KCNMB2: variants seen among roughly 807,000 people sequenced by gnomAD.
The protein encoded by KCNMB2 is calcium-activated potassium channel subunit beta-2.
A neutral mutation model predicts 24.5 loss-of-function variants in KCNMB2; 9 were observed. The ratio of observed to expected loss-of-function variants is 0.37; its 90% CI spans 0.22 to 0.64. The LOEUF is 0.64. Among genes scored for constraint, KCNMB2 ranks in the 30% least tolerant of loss-of-function variants. KCNMB2 has a pLI of 0.63. For synonymous variants in KCNMB2, 109 were observed against 104.4 expected (o/e 1.04, Z -0.27); for missense variants, 226 against 284.3 (o/e 0.79, Z 1.47).
chr3:178,793,827 G>A (rs1000467173), intron 1 of KCNMB2, among the ~76,000 whole-genome samples: 1 of 152,074 alleles, frequency 6.6e-6, no homozygotes, highest in African/African-American at 2.4e-5. Context: ...ACAGCCCAGA[G>A]GACAAAACAC....
chr3:178,799,976 T>A (rs994437700), intron 1 of KCNMB2, among the ~76,000 whole-genome samples: 4 of 152,148 alleles, frequency 2.6e-5, no homozygotes, highest in African/African-American at 9.7e-5. Context: ...AATATCTATA[T>A]GCTGAAGAAT....
intron 1 of KCNMB2, among the ~76,000 whole-genome samples, chr3:178,571,525 A>T (rs2108477834): frequency 7.1e-6 from 1 of 140,284 alleles, no homozygotes; most frequent in South Asian, 2.3e-4. Context: ...TTGTTTATGT[A>T]TTTATTTTAC....
intron 1 of KCNMB2, among the ~76,000 whole-genome samples, chr3:178,638,362 A>G (rs1051175132): frequency 1.3e-5 from 2 of 152,032 alleles, no homozygotes; most frequent in African/African-American, 4.8e-5. Flanking sequence ...AACTTACTGA[A>G]CTGCATGGTC....
chr3:178,831,170 T>C (rs891906879), intron 4 of KCNMB2, among the ~76,000 whole-genome samples: 1 of 152,178 alleles, frequency 6.6e-6, no homozygotes, highest in Non-Finnish European at 1.5e-5. Flanking sequence ...GATCACACTT[T>C]TCCTCATTGA....
intron 1 of KCNMB2, among the ~76,000 whole-genome samples, chr3:178,681,792 T>C (rs1417752338): frequency 1.3e-5 from 2 of 152,182 alleles, no homozygotes; most frequent in African/African-American, 4.8e-5. Flanking sequence ...TGTTTCTTTT[T>C]TCCCCCTACC....
At chr3:178,645,205 T>G (rs962668322) in intron 1 of KCNMB2, among the ~76,000 whole-genome samples, 3 of 151,772 alleles carry the variant, frequency 2.0e-5, no homozygotes, top group Non-Finnish European at 2.9e-5. Context: ...CATGCATCAC[T>G]ATGCCCAGCT....
rs1715527101 is a variant in KCNMB2 at position 178,844,191 on chromosome 3, A to C, written c.*1254A>C. The C allele has an allele frequency of 6.6e-6, 1 of 152,564 alleles. No homozygotes were observed. Among genetic ancestry groups the C allele is most frequent in the Non-Finnish European group, 1.5e-5 (1 of 67,968 alleles). 9.5% of individuals were successfully genotyped at this position (152,564 alleles called of 1,614,324 possible). ...TTAATATCAATATCAAAAGAAGAAG[A>C]CAAACATCTATCTTTCTCATCTATA... On this transcript the variant is annotated 3_prime_UTR_variant, in exon 5 of 5. Coordinates refer to ENST00000452583, the MANE Select transcript of KCNMB2 (RefSeq NM_181361.3).
At chr3:178,673,923 C>A (rs1421901236) in intron 1 of KCNMB2, among the ~76,000 whole-genome samples, 1 of 152,186 alleles carries the variant, frequency 6.6e-6, no homozygotes, top group Non-Finnish European at 1.5e-5. Flanking sequence ...CTTTTGCCCA[C>A]ATGTTTTAAT....
At chr3:178,637,337 C>T (rs1473234898) in intron 1 of KCNMB2, among the ~76,000 whole-genome samples, 2 of 152,138 alleles carry the variant, frequency 1.3e-5, no homozygotes, top group Non-Finnish European at 2.9e-5. Flanking sequence ...TAAAAACATT[C>T]CTTTTTCTAT....
intron 1 of KCNMB2, among the ~76,000 whole-genome samples, chr3:178,788,483 C>T (rs2108438232): frequency 6.6e-6 from 1 of 152,148 alleles, no homozygotes; most frequent in African/African-American, 2.4e-5. Flanking sequence ...CTGCTATTTC[C>T]CCCAAATGGA....
At chr3:178,706,244 T>C (rs1456173161) in intron 1 of KCNMB2, among the ~76,000 whole-genome samples, 1 of 152,150 alleles carries the variant, frequency 6.6e-6, no homozygotes, top group Admixed American at 6.6e-5. Context: ...CGTGTTTCTA[T>C]TTGTAGCAAG....
chr3:178,775,302 T>A (rs935658434), intron 1 of KCNMB2, among the ~76,000 whole-genome samples: 6 of 152,174 alleles, frequency 3.9e-5, no homozygotes, highest in Non-Finnish European at 7.4e-5. Flanking sequence ...ATCCTTCACA[T>A]CTAGTGTGAT....
rs1197930586 is a variant in KCNMB2 at position 178,724,863 on chromosome 3, T to A, written c.-67-82480T>A. On this transcript the variant is annotated intron_variant, in intron 1 of 4. Transcript: ENST00000452583. ...CTGTATTCTCTTCCATTGGTCTATG[T>A]GTCTATTTTTGTACCAGCACAATGC... 3.3e-5 allele frequency among the ~76,000 whole-genome samples: 5 copies of A among 152,180 alleles called. No homozygotes were observed. The East Asian group carries it at 7.7e-4, about 23-fold the overall frequency.
chr3:178,759,219 C>G (rs1217149322), intron 1 of KCNMB2, among the ~76,000 whole-genome samples: 1 of 107,836 alleles, frequency 9.3e-6, no homozygotes, highest in East Asian at 2.7e-4. Context: ...TATAATATAT[C>G]TATCTCCAAG....
intron 1 of KCNMB2, among the ~76,000 whole-genome samples, chr3:178,659,500 CA>C (rs2108569247): frequency 6.6e-6 from 1 of 152,172 alleles, no homozygotes; most frequent in African/African-American, 2.4e-5. Context: ...TTAGAATATC[CA>C]TGATATATTT....
chr3:178,546,187 T>C (rs1349403399), intron 1 of KCNMB2, among the ~76,000 whole-genome samples: 1 of 152,138 alleles, frequency 6.6e-6, no homozygotes, highest in Non-Finnish European at 1.5e-5. Flanking sequence ...AATATAACAA[T>C]AGAACTGGTA....
At chr3:178,694,471 G>A (rs1441409958) in intron 1 of KCNMB2, among the ~76,000 whole-genome samples, 1 of 152,082 alleles carries the variant, frequency 6.6e-6, no homozygotes. Flanking sequence ...AAAAGTCCAA[G>A]TCCAAAGTCT....
chr3:178,700,017 G>A (rs1722032400), intron 1 of KCNMB2, among the ~76,000 whole-genome samples: 1 of 152,230 alleles, frequency 6.6e-6, no homozygotes, highest in African/African-American at 2.4e-5. Context: ...CAAGGTCGGT[G>A]CCTTTCCTCT....
At chr3:178,760,897 A>C (rs1215408458) in intron 1 of KCNMB2, among the ~76,000 whole-genome samples, 1 of 152,082 alleles carries the variant, frequency 6.6e-6, no homozygotes, top group Non-Finnish European at 1.5e-5. Flanking sequence ...TTACTTTTTT[A>C]CTGCTTATAT....
Sources: allele counts gnomAD v4.1 joint callset (sites outside exome capture counted in the v4.1 genomes callset), GRCh38; gene constraint gnomAD v4.1.1; transcripts MANE v1.5; gene names NCBI Gene and HGNC (gene_info 2026-07-23, HGNC 2026-07-21).